Variants in TRPM3 observed in about 807,000 individuals in gnomAD.
The protein encoded by TRPM3 is transient receptor potential cation channel subfamily M member 3.
TRPM3 carries 77 observed loss-of-function variants against 181.2 expected under a neutral mutation model. That is an observed-to-expected ratio of 0.42 (90% CI 0.35 to 0.51). The LOEUF (loss-of-function observed/expected upper bound fraction) is 0.51. Among genes scored for constraint, TRPM3 ranks in the 20% least tolerant of loss-of-function variants. The pLI is 0.01. For synonymous variants in TRPM3, 745 were observed against 796.4 expected (o/e 0.94, Z 1.09); for missense variants, 1,759 against 2,196.7 (o/e 0.80, Z 3.98).
chr9:70,869,567 T>G (rs2095743917), intron 1 of TRPM3, among the ~76,000 whole-genome samples: 2 of 152,048 alleles, frequency 1.3e-5, no homozygotes, highest in Non-Finnish European at 1.5e-5. Context: ...CTCTGAATGT[T>G]TCAGTAGAAT....
At chr9:70,908,248 A>T (rs1219670536) in intron 1 of TRPM3, among the ~76,000 whole-genome samples, 1 of 152,214 alleles carries the variant, frequency 6.6e-6, no homozygotes. Flanking sequence ...ATATTTGCTA[A>T]TTCAGTGTTC....
intron 5 of TRPM3, among the ~76,000 whole-genome samples, chr9:70,832,659 C>T (rs540569976): frequency 6.6e-6 from 1 of 152,284 alleles, no homozygotes; most frequent in Admixed American, 6.5e-5. Flanking sequence ...ATGACACAAC[C>T]TTCAGTCATG....
chr9:71,385,883 G>T (rs10781017), intron 1 of TRPM3, among the ~76,000 whole-genome samples: 2 of 151,102 alleles, frequency 1.3e-5, no homozygotes, highest in Non-Finnish European at 2.9e-5. Context: ...TTTTTTTGGT[G>T]GGGGGTAGAG....
intron 1 of TRPM3, among the ~76,000 whole-genome samples, chr9:71,161,551 T>C (rs2134706478): frequency 6.6e-6 from 1 of 152,236 alleles, no homozygotes; most frequent in Non-Finnish European, 1.5e-5. Flanking sequence ...GAAAATAATA[T>C]AAGGGCTTTG....
chr9:70,808,573 C>T (rs532749814), intron 6 of TRPM3, among the ~76,000 whole-genome samples: 6 of 152,164 alleles, frequency 3.9e-5, no homozygotes, highest in Non-Finnish European at 8.8e-5. Flanking sequence ...TTTTCATTAA[C>T]AAGCATGACA....
chr9:71,029,351 C>T (rs1229013467), intron 1 of TRPM3, among the ~76,000 whole-genome samples: 1 of 152,024 alleles, frequency 6.6e-6, no homozygotes, highest in Non-Finnish European at 1.5e-5. Context: ...AGATAAAATA[C>T]TAATAAAAAT....
intron 1 of TRPM3, among the ~76,000 whole-genome samples, chr9:71,334,701 T>G (rs1019205125): frequency 1.3e-5 from 2 of 152,144 alleles, no homozygotes; most frequent in African/African-American, 2.4e-5. Flanking sequence ...CCAAATTGCC[T>G]CCTCCTGAAC....
At chr9:70,691,863 C>G (rs528985167) in intron 8 of TRPM3, among the ~76,000 whole-genome samples, 1 of 152,322 alleles carries the variant, frequency 6.6e-6, no homozygotes, top group Non-Finnish European at 1.5e-5. Flanking sequence ...CTTCCTTTTG[C>G]ATGTCCCAGG....
intron 25 of TRPM3, among the ~76,000 whole-genome samples, chr9:70,547,068 G>GT (rs2045156611): frequency 6.6e-6 from 1 of 152,182 alleles, no homozygotes; most frequent in Non-Finnish European, 1.5e-5. Context: ...TTTTAGGGCA[G>GT]TGGCAGGAGG....
At chr9:70,601,899 C>T (rs922214831) in intron 20 of TRPM3, among the ~76,000 whole-genome samples, 5 of 152,198 alleles carry the variant, frequency 3.3e-5, no homozygotes, top group Non-Finnish European at 5.9e-5. Context: ...GGCGTTAAAT[C>T]GCTCGAGTGC....
intron 1 of TRPM3, among the ~76,000 whole-genome samples, chr9:71,189,412 G>C (rs1244852726): frequency 6.6e-6 from 1 of 151,768 alleles, no homozygotes; most frequent in Non-Finnish European, 1.5e-5. Context: ...ACAATACTGG[G>C]TACTAACACA....
chr9:71,434,380 G>A (rs888899262), intron 1 of TRPM3, among the ~76,000 whole-genome samples: 12 of 152,106 alleles, frequency 7.9e-5, no homozygotes, highest in Non-Finnish European at 1.8e-4. Flanking sequence ...AGCCACCTAG[G>A]AAGCAGGCCT....
chr9:71,107,059 T>A (rs1007238315), intron 1 of TRPM3, among the ~76,000 whole-genome samples: 1 of 152,128 alleles, frequency 6.6e-6, no homozygotes, highest in South Asian at 2.1e-4. Flanking sequence ...GGTGGCCACA[T>A]TGCACTTCAA....
intron 9 of TRPM3, among the ~76,000 whole-genome samples, chr9:70,654,848 A>AT (rs979965600): frequency 4.0e-5 from 6 of 150,836 alleles, no homozygotes; most frequent in South Asian, 4.2e-4. Context: ...CGCCTGGCTA[A>AT]TTTTTTTTGT....
chr9:70,850,348 A>C (rs1254404793), intron 3 of TRPM3, among the ~76,000 whole-genome samples: 1 of 152,168 alleles, frequency 6.6e-6, no homozygotes, highest in Non-Finnish European at 1.5e-5. Flanking sequence ...GAATTTCTTA[A>C]GTAAAAGTTT....
At chr9:70,753,728 G>T (rs188076737) in intron 8 of TRPM3, among the ~76,000 whole-genome samples, 14 of 152,104 alleles carry the variant, frequency 9.2e-5, no homozygotes, top group South Asian at 6.2e-4. Context: ...GTGGTGGGAG[G>T]GGGGAGGTAG....
rs1254168242 is a variant in TRPM3 at position 70,591,133 on chromosome 9, T to C, written c.3121A>G (p.Ile1041Val). The C allele has an allele frequency of 1.9e-6, 3 of 1,614,112 alleles. No individual in the cohort carries two copies. Among genetic ancestry groups the C allele is most frequent in the South Asian group, 2.2e-5 (2 of 91,070 alleles). Residue 1041 changes from isoleucine to valine, a missense_variant, in exon 22 of 26, where the codon ATC (isoleucine) becomes GTC (valine). This residue lies in a region of TRPM3 where 94 missense variants were observed against 221.3 expected (regional missense o/e 0.42). Coordinates refer to ENST00000677713, the MANE Select transcript of TRPM3 (RefSeq NM_001366145.2). ...GATGGCTCCTCATTGGGAAAAAGGA[T>C]GGCTTGCCTGGCGACCCCAAAGCTC... ...LMSFGVARQA[I>V]LFPNEEPSWK...
chr9:70,760,040 A>C (rs756676970), intron 8 of TRPM3, among the ~76,000 whole-genome samples: 1 of 152,120 alleles, frequency 6.6e-6, no homozygotes, highest in African/African-American at 2.4e-5. Context: ...CACATTTCTT[A>C]TAACAAATAA....
chr9:70,559,586 GT>G (rs1181391609), intron 22 of TRPM3, among the ~76,000 whole-genome samples: 2 of 152,158 alleles, frequency 1.3e-5, no homozygotes, highest in Non-Finnish European at 2.9e-5. Context: ...TAATCTTGAT[GT>G]TTTTTCCCTC....
Sources: gnomAD v4.1 joint callset for allele counts (sites outside exome capture counted in the v4.1 genomes callset) on GRCh38, gnomAD v4.1.1 for gene constraint, gnomAD v4.1.1 regional missense constraint, MANE v1.5 for transcripts, NCBI Gene and HGNC (gene_info 2026-07-23, HGNC 2026-07-21) for gene names.